The following CSMD2 variants were observed in gnomAD, a reference collection of about 807,000 sequenced individuals.
CSMD2 encodes CUB and Sushi multiple domains 2, also known as CUB and sushi domain-containing protein 2.
A neutral mutation model predicts 398.5 loss-of-function variants in CSMD2; 130 were observed. The ratio of observed to expected loss-of-function variants is 0.33; its 90% CI spans 0.28 to 0.38. The LOEUF (loss-of-function observed/expected upper bound fraction) is 0.38. Among genes scored for constraint, CSMD2 ranks in the 10% least tolerant of loss-of-function variants. The pLI, the probability that CSMD2 is intolerant of heterozygous loss-of-function variation, is 1.00. For synonymous variants in CSMD2, 1,828 were observed against 1,908.5 expected (o/e 0.96, Z 1.10); for missense variants, 3,829 against 4,764.9 (o/e 0.80, Z 5.78).
intron 1 of CSMD2, among the ~76,000 whole-genome samples, chr1:34,094,719 C>T (rs897109041): frequency 5.9e-5 from 9 of 152,192 alleles, no homozygotes; most frequent in African/African-American, 1.4e-4. Flanking sequence ...CTATCCTAAA[C>T]ATATATGCAC....
intron 12 of CSMD2, among the ~76,000 whole-genome samples, chr1:33,783,089 G>A (rs1048958033): frequency 1.3e-5 from 2 of 152,140 alleles, no homozygotes; most frequent in African/African-American, 4.8e-5. Context: ...CAGAATCTGG[G>A]AATGGAGTCA....
intron 38 of CSMD2, 70 bp from the exon 39 acceptor site, chr1:33,617,045 G>T: frequency 1.6e-6 from 2 of 1,235,934 alleles, no homozygotes; most frequent in Non-Finnish European, 2.4e-6. Flanking sequence ...ACCAGGGGCT[G>T]TACAGGGGTC....
At chr1:33,805,994 G>A (rs776984761) in intron 10 of CSMD2, among the ~76,000 whole-genome samples, 3 of 152,122 alleles carry the variant, frequency 2.0e-5, no homozygotes, top group African/African-American at 4.8e-5. Flanking sequence ...AGAACATGAA[G>A]ACGGCTTTGG....
chr1:34,109,822 G>A (rs553007782), intron 1 of CSMD2, among the ~76,000 whole-genome samples: 2 of 151,930 alleles, frequency 1.3e-5, no homozygotes, highest in South Asian at 2.1e-4. Flanking sequence ...GGCGGATCAC[G>A]AGGTCAGGAG....
chr1:33,861,640 T>C (rs778274298), intron 5 of CSMD2, among the ~76,000 whole-genome samples: 34 of 152,188 alleles, frequency 2.2e-4, no homozygotes, highest in Non-Finnish European at 3.8e-4. Context: ...GCTAAAACCA[T>C]GGTACTTTGG....
At chr1:34,129,741 G>A (rs1039913347) in intron 1 of CSMD2, among the ~76,000 whole-genome samples, 13 of 152,218 alleles carry the variant, frequency 8.5e-5, no homozygotes, top group African/African-American at 2.9e-4. Flanking sequence ...ACATGCACAT[G>A]TGCCAGGGCC....
chr1:33,564,218 A>G (rs1411053150), intron 53 of CSMD2, among the ~76,000 whole-genome samples: 1 of 152,206 alleles, frequency 6.6e-6, no homozygotes, highest in African/African-American at 2.4e-5. Context: ...CCTGCTTTTT[A>G]CAGGTGACAA....
At chr1:33,789,693 T>C (rs946261319) in intron 11 of CSMD2, among the ~76,000 whole-genome samples, 20 of 152,176 alleles carry the variant, frequency 1.3e-4, no homozygotes, top group African/African-American at 4.3e-4. Context: ...AGAGAGGTCA[T>C]CACACCATGG....
intron 49 of CSMD2, among the ~76,000 whole-genome samples, chr1:33,574,262 A>G (rs991124424): frequency 5.3e-5 from 8 of 152,234 alleles, no homozygotes; most frequent in African/African-American, 1.9e-4. Flanking sequence ...GGAATCTCAA[A>G]GGGACAACTC....
At position 33,902,516 on chromosome 1, in the gene CSMD2, A is replaced by T. The variant is rs569355874; in HGVS notation, c.920+15578T>A. On this transcript the variant is annotated intron_variant, in intron 5 of 70. Transcript: ENST00000373381. ...CCGATGCCTGGGTCCCTCCCTGGGCATGCTGACTTATTTGGTCTGGGGAAT... is the reference window on the plus strand; with the variant it reads ...CCGATGCCTGGGTCCCTCCCTGGGCTTGCTGACTTATTTGGTCTGGGGAAT... 7.9e-5 allele frequency among the ~76,000 whole-genome samples: 12 copies of T among 152,326 alleles called. 1 individual carries two copies. Among genetic ancestry groups the T allele is most frequent in the Middle Eastern group, 6.8e-3 (2 of 294 alleles).
chr1:33,571,762 CTTGA>C, intron 50 of CSMD2, 36 bp from the exon 51 acceptor site: 4 of 1,365,376 alleles, frequency 2.9e-6, no homozygotes, highest in Non-Finnish European at 3.9e-6. Context: ...GGATTAATTA[CTTGA>C]TTAATTCTGG....
chr1:34,025,926 C>G (rs1649589082), intron 3 of CSMD2, among the ~76,000 whole-genome samples: 1 of 152,172 alleles, frequency 6.6e-6, no homozygotes, highest in South Asian at 2.1e-4. Flanking sequence ...AACTCTGGAG[C>G]CAGGGTACTG....
intron 48 of CSMD2, among the ~76,000 whole-genome samples, chr1:33,578,660 G>A (rs181425233): frequency 1.4e-3 from 215 of 152,248 alleles, no homozygotes; most frequent in Middle Eastern, 0.01. Context: ...GGGATCCTCA[G>A]GGGGAGTTCT....
At chr1:33,965,969 C>T (rs540375971) in intron 3 of CSMD2, among the ~76,000 whole-genome samples, 1 of 152,302 alleles carries the variant, frequency 6.6e-6, no homozygotes, top group Admixed American at 6.5e-5. Context: ...GAGAAACCAG[C>T]AGTAAGCACA....
Position 34,164,975 on chromosome 1 carries a change from C to A in CSMD2, c.123G>T (p.Pro41=). ...GAGSRWGRPP[P]PTPPPLLLLL... Reference sequence around the variant, plus strand: ...ACAGCAGCAGAGGCGGCGGCGTTGGCGGCGGCGGGCGGCCCCAGCGGCTCC... The same window carrying A: ...ACAGCAGCAGAGGCGGCGGCGTTGGAGGCGGCGGGCGGCCCCAGCGGCTCC... Residue 41 remains proline, a synonymous_variant, in exon 1 of 71, where the codon CCG becomes CCT. Coordinates refer to ENST00000373381, the MANE Select transcript of CSMD2 (RefSeq NM_001281956.2). This position sits in a 1 kb window ranked among gnomAD's most constrained non-coding sequence, Gnocchi z 6.2. 8.3e-7 allele frequency: 1 copy of A among 1,211,284 alleles called. No individual in the cohort carries two copies. Among genetic ancestry groups the A allele is most frequent in the Non-Finnish European group, 1.0e-6 (1 of 975,100 alleles). The allele number at this position is 1,211,284 out of a possible 1,614,324, so 75.0% of individuals were successfully genotyped here. A position where few individuals can be genotyped will look rare whatever the true frequency, so the allele number is the denominator to read the frequency against.
chr1:33,852,091 C>T (rs1261988634), intron 5 of CSMD2, among the ~76,000 whole-genome samples: 2 of 149,636 alleles, frequency 1.3e-5, no homozygotes, highest in Non-Finnish European at 3.0e-5. Flanking sequence ...CTCCTTAGTG[C>T]AACTGCTCCC....
chr1:33,858,690 C>A (rs1639271224), intron 5 of CSMD2, among the ~76,000 whole-genome samples: 1 of 152,224 alleles, frequency 6.6e-6, no homozygotes, highest in Non-Finnish European at 1.5e-5. Context: ...TGGTTTCTTA[C>A]TATGTAGCGA....
chr1:33,715,653 G>A (rs930114326), intron 20 of CSMD2, among the ~76,000 whole-genome samples: 5 of 152,190 alleles, frequency 3.3e-5, no homozygotes, highest in African/African-American at 1.2e-4. Flanking sequence ...TCCATCCCAG[G>A]AGGAATCCAT....
chr1:33,704,366 G>A (rs1301278261), intron 22 of CSMD2, among the ~76,000 whole-genome samples: 1 of 152,086 alleles, frequency 6.6e-6, no homozygotes, highest in Non-Finnish European at 1.5e-5. Context: ...CGTTCTATTG[G>A]TGATAGTAGA....
Sources: allele counts gnomAD v4.1 joint callset (sites outside exome capture counted in the v4.1 genomes callset), GRCh38; gene constraint gnomAD v4.1.1; non-coding constraint Gnocchi (gnomAD v3.1); transcripts MANE v1.5; gene names NCBI Gene and HGNC (gene_info 2026-07-23, HGNC 2026-07-21).